MAST4: variants seen among roughly 807,000 people sequenced by gnomAD.
The protein encoded by MAST4 is microtubule-associated serine/threonine-protein kinase 4.
MAST4 carries 89 observed loss-of-function variants against 162.7 expected under a neutral mutation model. The observed-to-expected ratio is 0.55, with a 90% confidence interval of 0.46 to 0.65. The LOEUF (loss-of-function observed/expected upper bound fraction) is 0.65. MAST4 is among the 30% of genes least tolerant of loss of function. MAST4 has a pLI of 0.00. For synonymous variants in MAST4, 1,479 were observed against 1,361.1 expected, an observed-to-expected ratio of 1.09 and a Z score of -1.91; for missense variants, 3,153 against 3,374.0, an observed-to-expected ratio of 0.93 and a Z score of 1.62.
At chr5:66,782,479 A>G (rs1052627475) in intron 2 of MAST4, among the ~76,000 whole-genome samples, 3 of 152,210 alleles carry the variant, frequency 2.0e-5, no homozygotes, top group Middle Eastern at 3.2e-3. Flanking sequence ...AAAAATAACC[A>G]GTACAAGAAG....
At chr5:67,119,017 A>T (rs1231208911) in intron 13 of MAST4, among the ~76,000 whole-genome samples, 1 of 152,206 alleles carries the variant, frequency 6.6e-6, no homozygotes. Context: ...AGAAGGGGCA[A>T]AAGGAACATT....
intron 24 of MAST4, among the ~76,000 whole-genome samples, chr5:67,150,736 G>A (rs1031435084): frequency 6.6e-6 from 1 of 152,170 alleles, no homozygotes; most frequent in African/African-American, 2.4e-5. Context: ...TGGGATCTAT[G>A]TGTGTCCACA....
intron 1 of MAST4, among the ~76,000 whole-genome samples, chr5:66,715,188 G>A (rs571351130): frequency 1.8e-4 from 28 of 152,172 alleles, no homozygotes; most frequent in Non-Finnish European, 1.3e-4. Context: ...TGTAGTCACA[G>A]GAAGTAATCC....
chr5:66,788,376 T>C (rs1201461957), intron 2 of MAST4, among the ~76,000 whole-genome samples: 1 of 152,154 alleles, frequency 6.6e-6, no homozygotes, highest in African/African-American at 2.4e-5. Flanking sequence ...TTATATATAT[T>C]CTCAACACAT....
At chr5:67,089,935 A>G (rs905534679) in intron 5 of MAST4, among the ~76,000 whole-genome samples, 1 of 152,094 alleles carries the variant, frequency 6.6e-6, no homozygotes, top group Non-Finnish European at 1.5e-5. Context: ...GTGTTTATTC[A>G]TGTGTCTTGC....
intron 4 of MAST4, among the ~76,000 whole-genome samples, chr5:66,976,378 C>T (rs896100408): frequency 4.6e-5 from 7 of 152,212 alleles, no homozygotes; most frequent in African/African-American, 1.2e-4. Flanking sequence ...TATGATTGGG[C>T]CTTCCTGTTC....
intron 1 of MAST4, among the ~76,000 whole-genome samples, chr5:66,688,253 C>G (rs1406047999): frequency 6.6e-6 from 1 of 152,182 alleles, no homozygotes; most frequent in East Asian, 1.9e-4. Context: ...TTGGTGTCAA[C>G]TGGGCACATC....
chr5:67,145,698 A>C (rs1350343618), intron 23 of MAST4, among the ~76,000 whole-genome samples: 1 of 152,216 alleles, frequency 6.6e-6, no homozygotes, highest in East Asian at 1.9e-4. Flanking sequence ...GCGTGTTCTC[A>C]GTTGTTGATG....
chr5:66,783,449 G>A (rs1754971333), intron 2 of MAST4: 1 of 152,210 alleles, frequency 6.6e-6, no homozygotes, highest in African/African-American at 2.4e-5. Context: ...GAACTCAGCA[G>A]TCTGACATTA....
At chr5:67,063,102 A>AT (rs1395799032) in intron 5 of MAST4, among the ~76,000 whole-genome samples, 6 of 151,600 alleles carry the variant, frequency 4.0e-5, no homozygotes, top group African/African-American at 1.5e-4. Flanking sequence ...ACTTCATTTC[A>AT]TTAATAAGTT....
intron 1 of MAST4, among the ~76,000 whole-genome samples, chr5:66,657,900 A>G (rs754441033): frequency 8.5e-5 from 13 of 152,252 alleles, no homozygotes; most frequent in Non-Finnish European, 1.5e-4. Context: ...TGAGGAAAGT[A>G]AAAAGTTGAA....
intron 1 of MAST4, among the ~76,000 whole-genome samples, chr5:66,632,158 A>G (rs1413424747): frequency 6.6e-6 from 1 of 152,166 alleles, no homozygotes; most frequent in African/African-American, 2.4e-5. Context: ...TGGAGTCCGA[A>G]GCCCCACAAC....
At chr5:66,844,640 G>A (rs1173232429) in intron 3 of MAST4, among the ~76,000 whole-genome samples, 2 of 152,114 alleles carry the variant, frequency 1.3e-5, no homozygotes, top group Non-Finnish European at 2.9e-5. Flanking sequence ...GGCCAGAAGT[G>A]GAGATGGCAG....
At chr5:66,837,604 T>C (rs1465239654) in intron 3 of MAST4, among the ~76,000 whole-genome samples, 1 of 151,956 alleles carries the variant, frequency 6.6e-6, no homozygotes, top group Non-Finnish European at 1.5e-5. Flanking sequence ...GGTTCACCTG[T>C]AGCTGGCTGC....
rs531247069 is a variant in MAST4, at chr5:66,788,849, A to T, written c.642+55A>T. The T allele has an allele frequency of 6.8e-6, 10 of 1,477,118 alleles. No homozygotes were observed. The African/African-American group carries it at 7.1e-5, about 11-fold the overall frequency. 91.5% of individuals were successfully genotyped at this position (1,477,118 alleles called of 1,614,324 possible). A position where few individuals can be genotyped will look rare whatever the true frequency, so the allele number is the denominator to read the frequency against. ...GCTCCAGCTCACCACCTCTCTAGGGACAATTTAAGTTAATTGAGTTTAACT... is the reference window on the plus strand; with the variant it reads ...GCTCCAGCTCACCACCTCTCTAGGGTCAATTTAAGTTAATTGAGTTTAACT... On this transcript the variant is annotated intron_variant, in intron 3 of 28. Coordinates refer to ENST00000403625, the MANE Select transcript of MAST4 (RefSeq NM_001164664.2).
In MAST4 at chr5:67,166,985, C is replaced by G; in HGVS notation, c.7806C>G (p.Asp2602Glu). The stretch of plus-strand genomic sequence containing the variant: ...CCATCTCTCTTTCTAATGAGAAGGA[C>G]TTTGTGGTACGGCAGAGGCGGGGGA... ...DRPISLSNEK[D>E]FVVRQRRGKE... The change falls in exon 29 of 29, where the codon GAC becomes GAG. Residue 2602 changes from aspartate (D) to glutamate (E), a missense_variant. Physicochemically the swap from Asp to Glu is conservative, Grantham distance 45 (BLOSUM62 2). This residue lies in a region of MAST4 where 1,644 missense variants were observed against 1,495.0 expected (regional missense o/e 1.10). Coordinates refer to ENST00000403625, the MANE Select transcript of MAST4 (RefSeq NM_001164664.2). 6.2e-7 allele frequency: 1 copy of G among 1,611,656 alleles called. No homozygotes were observed. Among genetic ancestry groups the G allele is most frequent in the Non-Finnish European group, 8.5e-7 (1 of 1,179,346 alleles).
intron 4 of MAST4, among the ~76,000 whole-genome samples, chr5:66,951,039 A>G (rs1744618419): frequency 6.6e-6 from 1 of 152,154 alleles, no homozygotes; most frequent in Non-Finnish European, 1.5e-5. Flanking sequence ...GTACTTAGCC[A>G]TTTTACTATT....
intron 5 of MAST4, among the ~76,000 whole-genome samples, chr5:67,071,709 G>A (rs760912605): frequency 2.0e-5 from 3 of 152,288 alleles, no homozygotes; most frequent in Admixed American, 1.3e-4. Context: ...ACAGTGAGCC[G>A]AGATCGTGCT....
At position 66,978,394 on chromosome 5, in the gene MAST4, C is replaced by T. The variant is rs183126636; in HGVS notation, c.675-76010C>T. ...TCTTCTTAAAACATTTTGTAAGCTA[C>T]GGCATATCAGCAAATATAACCCACT... On this transcript the variant is annotated intron_variant, in intron 4 of 28. Coordinates refer to ENST00000403625, the MANE Select transcript of MAST4 (RefSeq NM_001164664.2). Among the ~76,000 whole-genome samples, 530 of 152,278 alleles carry T rather than the reference C, an allele frequency of 3.5e-3. 2 individuals are homozygous for T. The highest frequency in any genetic ancestry group is 4.3e-3 in the Admixed American group (66 of 15,298).
Sources: gnomAD v4.1 joint callset for allele counts (sites outside exome capture counted in the v4.1 genomes callset) on GRCh38, gnomAD v4.1.1 for gene constraint, gnomAD v4.1.1 regional missense constraint, MANE v1.5 for transcripts, NCBI Gene and HGNC (gene_info 2026-07-23, HGNC 2026-07-21) for gene names.